LRMDA: variants seen among roughly 807,000 people sequenced by gnomAD.
LRMDA encodes leucine rich melanocyte differentiation associated.
In LRMDA, 18 loss-of-function variants were observed where a neutral mutation model predicts 29.8. That is an observed-to-expected ratio of 0.60 (90% CI 0.42 to 0.90). The LOEUF is 0.90. LRMDA is among the 40% of genes least tolerant of loss of function. The pLI is 0.00. For synonymous variants in LRMDA, 125 were observed against 109.4 expected (o/e 1.14, Z -0.89); for missense variants, 273 against 273.9 (o/e 1.00, Z 0.02).
chr10:75,932,025 A>G (rs1231302152), intron 2 of LRMDA, among the ~76,000 whole-genome samples: 2 of 152,230 alleles, frequency 1.3e-5, no homozygotes, highest in Non-Finnish European at 2.9e-5. Context: ...TTTTGCTGTT[A>G]TTGTGAGAAA....
chr10:76,556,818 C>G (rs1439430988), intron 6 of LRMDA, among the ~76,000 whole-genome samples: 1 of 152,170 alleles, frequency 6.6e-6, no homozygotes, highest in Non-Finnish European at 1.5e-5. Context: ...TGTTCTACAT[C>G]TTTTACTTGG....
At chr10:75,900,286 A>C (rs59852154) in intron 2 of LRMDA, among the ~76,000 whole-genome samples, 2,414 of 152,314 alleles carry the variant, frequency 0.016, 71 homozygotes, top group African/African-American at 0.055. Context: ...AGGGATTTCT[A>C]ACTTGGTCGT....
intron 2 of LRMDA, among the ~76,000 whole-genome samples, chr10:76,033,009 T>A (rs1848176692): frequency 6.6e-6 from 1 of 152,142 alleles, no homozygotes; most frequent in African/African-American, 2.4e-5. Flanking sequence ...CTCAAAGATC[T>A]ACACACATAT....
At chr10:75,494,489 C>T (rs1347299312) in intron 2 of LRMDA, among the ~76,000 whole-genome samples, 20 of 148,692 alleles carry the variant, frequency 1.3e-4, no homozygotes, top group African/African-American at 3.0e-4. Context: ...AGTTACCAGC[C>T]GCTAAAACAA....
At chr10:76,407,007 A>G (rs1400822670) in intron 6 of LRMDA, among the ~76,000 whole-genome samples, 2 of 152,132 alleles carry the variant, frequency 1.3e-5, no homozygotes, top group Non-Finnish European at 2.9e-5. Flanking sequence ...TGATCCCTCC[A>G]TCCACCCACA....
chr10:75,678,160 A>G (rs1478202973), intron 2 of LRMDA, among the ~76,000 whole-genome samples: 2 of 152,204 alleles, frequency 1.3e-5, no homozygotes, highest in Admixed American at 6.5e-5. Flanking sequence ...CTGCACGTAT[A>G]TAGCTAAACA....
intron 2 of LRMDA, among the ~76,000 whole-genome samples, chr10:75,872,956 G>A (rs1426722503): frequency 1.3e-5 from 2 of 152,098 alleles, no homozygotes; most frequent in Non-Finnish European, 2.9e-5. Context: ...CCAGTACCTT[G>A]CTCAATGCCC....
chr10:76,451,025 T>G lies in LRMDA; in HGVS notation c.602-106184T>G, dbSNP rs191381229. Among the ~76,000 whole-genome samples, 293 of 152,282 alleles carry G rather than the reference T, an allele frequency of 1.9e-3. 1 individual carries two copies. Among genetic ancestry groups the G allele is most frequent in the Middle Eastern group, 3.4e-3 (1 of 294 alleles). On this transcript the variant is annotated intron_variant, in intron 6 of 6. Transcript: ENST00000611255. ...ATCCATAGTGGCAGATGTATACATA[T>G]GTTTTTCTATGCTCATTTTTGAATA...
chr10:76,507,888 G>C (rs961652848), intron 6 of LRMDA, among the ~76,000 whole-genome samples: 1 of 151,988 alleles, frequency 6.6e-6, no homozygotes, highest in African/African-American at 2.4e-5. Flanking sequence ...TGTAACTCTG[G>C]TTACTATAGC....
Position 76,007,071 on chromosome 10 carries a change from C to T in LRMDA, c.132-28937C>T, listed in dbSNP as rs1847684799. Among the ~76,000 whole-genome samples, 3 of 149,642 alleles carry T rather than the reference C, an allele frequency of 2.0e-5. No individual in the cohort carries two copies. In the South Asian group the frequency reaches 6.3e-4, roughly 31 times the overall value. On this transcript the variant is annotated intron_variant, in intron 2 of 6. Transcript: ENST00000611255. ...ATATATTTATTTTCCGTCTCTCTGC[C>T]CCCTGGGCCTGCAGTCTTCTGTAGC...
intron 6 of LRMDA, among the ~76,000 whole-genome samples, chr10:76,451,404 ACCGTGTTTG>A (rs904682249): frequency 5.9e-4 from 89 of 151,626 alleles, no homozygotes; most frequent in African/African-American, 2.2e-3. Context: ...ACGGGGTTTC[ACCGTGTTTG>A]CCAGGATGGG....
At chr10:75,637,045 A>T (rs886746362) in intron 2 of LRMDA, among the ~76,000 whole-genome samples, 1 of 152,212 alleles carries the variant, frequency 6.6e-6, no homozygotes, top group African/African-American at 2.4e-5. Context: ...AGGAATTATT[A>T]TGCCTACTCT....
At chr10:76,260,530 A>T (rs1839922304) in intron 5 of LRMDA, among the ~76,000 whole-genome samples, 1 of 152,170 alleles carries the variant, frequency 6.6e-6, no homozygotes, top group African/African-American at 2.4e-5. Context: ...TTGGCCTATA[A>T]GGTTTCTGCG....
At chr10:75,617,341 T>C (rs1295559157) in intron 2 of LRMDA, among the ~76,000 whole-genome samples, 1 of 152,170 alleles carries the variant, frequency 6.6e-6, no homozygotes, top group African/African-American at 2.4e-5. Flanking sequence ...GCTCTTATCA[T>C]TTAGCAAATG....
intron 2 of LRMDA, among the ~76,000 whole-genome samples, chr10:75,769,556 TATA>T (rs372012964): frequency 1.4e-3 from 211 of 152,364 alleles, no homozygotes; most frequent in Middle Eastern, 0.014. Context: ...CCATCATTAT[TATA>T]AGTATGGTGG....
intron 2 of LRMDA, among the ~76,000 whole-genome samples, chr10:75,526,117 G>A (rs1011345743): frequency 2.0e-5 from 3 of 151,854 alleles, no homozygotes; most frequent in Admixed American, 6.6e-5. Flanking sequence ...CCAGGCTGGA[G>A]TGCAGTGGTG....
At chr10:75,583,384 T>C (rs768015609) in intron 2 of LRMDA, among the ~76,000 whole-genome samples, 10 of 152,126 alleles carry the variant, frequency 6.6e-5, no homozygotes, top group Non-Finnish European at 1.5e-4. Flanking sequence ...CTTCCAATCA[T>C]AGTGCAAGGC....
intron 2 of LRMDA, among the ~76,000 whole-genome samples, chr10:75,554,302 C>T (rs1840188300): frequency 6.6e-6 from 1 of 152,104 alleles, no homozygotes; most frequent in Non-Finnish European, 1.5e-5. Context: ...CAGGAGGATT[C>T]TAGAAATCCT....
chr10:76,293,527 G>T (rs1840375397), intron 5 of LRMDA, among the ~76,000 whole-genome samples: 1 of 152,186 alleles, frequency 6.6e-6, no homozygotes, highest in Non-Finnish European at 1.5e-5. Flanking sequence ...GCATCATACA[G>T]GTGATTTGGC....
Sources: allele counts gnomAD v4.1 joint callset (sites outside exome capture counted in the v4.1 genomes callset), GRCh38; gene constraint gnomAD v4.1.1; transcripts MANE v1.5; gene names NCBI Gene and HGNC (gene_info 2026-07-23, HGNC 2026-07-21).